CD74: variants seen among roughly 807,000 people sequenced by gnomAD.
CD74 encodes CD74 molecule, also known as HLA class II histocompatibility antigen gamma chain.
In CD74, 20 loss-of-function variants were observed where a neutral mutation model predicts 37.1. The observed-to-expected ratio is 0.54, with a 90% CI of 0.38 to 0.78. The LOEUF is 0.78. Among genes scored for constraint, CD74 ranks in the 30% least tolerant of loss-of-function variants. CD74 has a pLI of 0.00. For missense variants in CD74, 338 were observed against 389.5 expected (o/e 0.87, Z 1.11); for synonymous variants, 150 against 152.0 (o/e 0.99, Z 0.10).
intron 4 of CD74, chr5:150,405,447 G>A (rs772674098): frequency 1.2e-5 from 15 of 1,215,304 alleles, no homozygotes; most frequent in Non-Finnish European, 1.5e-5. Context: ...TGTCCTCCCT[G>A]TGGATGGCTG....
chr5:150,401,949 T>C lies in CD74; in HGVS notation c.*291A>G. 9.7e-7 allele frequency: 1 copy of C among 1,030,188 alleles called. No homozygotes were observed. Among genetic ancestry groups the C allele is most frequent in the Non-Finnish European group, 1.5e-6 (1 of 684,738 alleles). 63.8% of individuals were successfully genotyped at this position (1,030,188 alleles called of 1,614,324 possible). On this transcript the variant is annotated 3_prime_UTR_variant, in exon 9 of 9. Coordinates refer to ENST00000009530, the MANE Select transcript of CD74 (RefSeq NM_001025159.3). ...CATGAGCCTAGGTCTTGGAGCCTTG[T>C]GTTGGAGGCTGCTGTGATGTCAGGA...
rs2151166316 is a variant in CD74 at position 150,402,341 on chromosome 5, A to G, written c.881-91T>C. 3 of 1,028,592 alleles carry G rather than the reference A, an allele frequency of 2.9e-6. No homozygotes were observed. Among genetic ancestry groups the G allele is most frequent in the Non-Finnish European group, 4.5e-6 (3 of 667,984 alleles). The allele number at this position is 1,028,592 out of a possible 1,614,324, so 63.7% of individuals were successfully genotyped here. On this transcript the variant is annotated intron_variant, in intron 8 of 8. Transcript: ENST00000009530. The surrounding 1 kb of genome is among the most constrained non-coding windows in gnomAD (Gnocchi z 4.2). ...TCCTGGACCTGCAGAGCAGTTAAGG[A>G]CTGTCCACCCTCCCCTGCCCCCTGC...
chr5:150,403,035 C>T lies in CD74; in HGVS notation c.817+86G>A, dbSNP rs1367122339. 2 of 1,191,848 alleles carry T rather than the reference C, an allele frequency of 1.7e-6. No individual in the cohort carries two copies. The highest frequency in any genetic ancestry group is 2.4e-6 in the Non-Finnish European group (2 of 838,844). The allele number at this position is 1,191,848 out of a possible 1,614,324, so 73.8% of individuals were successfully genotyped here. ...GAGCTGCCATCCTGGGTGTCCTGGT[C>T]CCATGTGCTTCAGAGGGGACCTCTT... On this transcript the variant is annotated intron_variant, in intron 7 of 8. Transcript: ENST00000009530. The surrounding 1 kb of genome is among the most constrained non-coding windows in gnomAD (Gnocchi z 4.5).
At position 150,407,776 on chromosome 5, in the gene CD74, C is replaced by T. The variant is rs760656627; in HGVS notation, c.126-452G>A. 2.5e-4 allele frequency among the ~76,000 whole-genome samples: 37 copies of T among 149,322 alleles called. No individual in the cohort carries two copies. Among genetic ancestry groups the T allele is most frequent in the Admixed American group, 4.6e-4 (7 of 15,122 alleles). On this transcript the variant is annotated intron_variant, in intron 1 of 8. Coordinates refer to ENST00000009530, the MANE Select transcript of CD74 (RefSeq NM_001025159.3). The surrounding 1 kb of genome is among the most constrained non-coding windows in gnomAD (Gnocchi z 4.4). The stretch of plus-strand genomic sequence containing the variant: ...TTTTGTTTTGTTTTGTTTTTTGAGA[C>T]GGAGTCTTGCTCTGTCGCCCAGGCT...
Position 150,402,024 on chromosome 5 carries a change from T to C in CD74, c.*216A>G, listed in dbSNP as rs1313723169. 19 of 1,535,706 alleles carry C rather than the reference T, an allele frequency of 1.2e-5. No homozygotes were observed. Among genetic ancestry groups the C allele is most frequent in the Non-Finnish European group, 1.7e-5 (19 of 1,145,838 alleles). ...CACTTCCTGGGACCTCACGCCCCTG[T>C]TGACAGATGGAGATTGGGCAGCAGG... is the stretch of plus-strand genomic sequence containing the variant. On this transcript the variant is annotated 3_prime_UTR_variant, in exon 9 of 9. Transcript: ENST00000009530. This position sits in a 1 kb window ranked among gnomAD's most constrained non-coding sequence, Gnocchi z 4.2.
At chr5:150,411,285 G>C (rs1265051774) in intron 1 of CD74, among the ~76,000 whole-genome samples, 1 of 152,200 alleles carries the variant, frequency 6.6e-6, no homozygotes, top group African/African-American at 2.4e-5. Context: ...GACTCAGGGA[G>C]AGGCAGTGAT....
chr5:150,408,666 A>G (rs529450841), intron 1 of CD74, among the ~76,000 whole-genome samples: 5 of 152,250 alleles, frequency 3.3e-5, no homozygotes, highest in African/African-American at 9.6e-5. Context: ...TGGGGGGTGC[A>G]TGCATATGTT....
Position 150,408,560 on chromosome 5 carries a change from C to T in CD74, c.126-1236G>A, listed in dbSNP as rs112554951. Among the ~76,000 whole-genome samples, 116 of 152,272 alleles carry T rather than the reference C, an allele frequency of 7.6e-4. 1 individual carries two copies. Among genetic ancestry groups the T allele is most frequent in the African/African-American group, 2.8e-3 (115 of 41,544 alleles). ...TGGGCAGGAGTATAGGTGCCTGAGCCTGTGTGGCCTGGATGAATTTCTCAT... is the reference window on the plus strand; with the variant it reads ...TGGGCAGGAGTATAGGTGCCTGAGCTTGTGTGGCCTGGATGAATTTCTCAT... On this transcript the variant is annotated intron_variant, in intron 1 of 8. Coordinates refer to ENST00000009530, the MANE Select transcript of CD74 (RefSeq NM_001025159.3).
chr5:150,412,333 T>A (rs2151187070), intron 1 of CD74, among the ~76,000 whole-genome samples: 1 of 152,348 alleles, frequency 6.6e-6, no homozygotes, highest in East Asian at 1.9e-4. Context: ...CTGCATAGCA[T>A]GTGAAACTCT....
rs1769653642 is a variant in CD74, at chr5:150,402,110, G to C, written c.*130C>G. 1.3e-6 allele frequency: 2 copies of C among 1,547,390 alleles called. No homozygotes were observed. The highest frequency in any genetic ancestry group is 2.4e-5 in the South Asian group (2 of 84,004). ...TTTGTCTTGTCCAAGGGTGACGAAA[G>C]AGCCAGGCACCAGGGTCTCATGGGA... On this transcript the variant is annotated 3_prime_UTR_variant, in exon 9 of 9. Transcript: ENST00000009530. The surrounding 1 kb of genome is among the most constrained non-coding windows in gnomAD (Gnocchi z 4.2).
Position 150,403,749 on chromosome 5 carries a change from C to T in CD74, c.626-437G>A, listed in dbSNP as rs1769781944. Among the ~76,000 whole-genome samples, 1 of 152,212 alleles carries T rather than the reference C, an allele frequency of 6.6e-6. No homozygotes were observed. Among genetic ancestry groups the T allele is most frequent in the Admixed American group, 6.5e-5 (1 of 15,278 alleles). On this transcript the variant is annotated intron_variant, in intron 6 of 8. Coordinates refer to ENST00000009530, the MANE Select transcript of CD74 (RefSeq NM_001025159.3). The surrounding 1 kb of genome is among the most constrained non-coding windows in gnomAD (Gnocchi z 4.5). ...TGGCACATGCCTATAATCCCAGCTA[C>T]TCGGGAGGCCGAGGCAGGAGAATTG...
At position 150,402,790 on chromosome 5, in the gene CD74, G is replaced by A. The variant is rs1329131488; in HGVS notation, c.818-165C>T. Among the ~76,000 whole-genome samples, 6 of 152,222 alleles carry A rather than the reference G, an allele frequency of 3.9e-5. No individual in the cohort carries two copies. The highest frequency in any genetic ancestry group is 3.8e-4 in the East Asian group (2 of 5,200). On this transcript the variant is annotated intron_variant, in intron 7 of 8. Transcript: ENST00000009530. This position sits in a 1 kb window ranked among gnomAD's most constrained non-coding sequence, Gnocchi z 4.2. ...CAACAAAGAGGTGTAATGGGGGCTC[G>A]AGTGAGAAGGGGGTGATGAAATGAG...
rs2151166646 is a variant in CD74, at chr5:150,402,421, C to T, written c.880+142G>A. On this transcript the variant is annotated intron_variant, in intron 8 of 8. Transcript: ENST00000009530. The surrounding 1 kb of genome is among the most constrained non-coding windows in gnomAD (Gnocchi z 4.2). The stretch of plus-strand genomic sequence containing the variant: ...GTGTAACTCCCCACAGCCCCCCAAC[C>T]CTGTTCCTTCGTCTGTGAAATGGAC... The T allele has an allele frequency of 1.1e-6, 1 of 920,746 alleles. No individual in the cohort carries two copies. Among genetic ancestry groups the T allele is most frequent in the Non-Finnish European group, 1.8e-6 (1 of 556,698 alleles). The allele number at this position is 920,746 out of a possible 1,614,324, so 57.0% of individuals were successfully genotyped here.
chr5:150,407,071 C>T lies in CD74; in HGVS notation c.298+81G>A. ...AAACCGGAGGGAGAGGACAGTGGGC[C>T]CAGCTGGGTGCAGGGATGCGGGTCT... On this transcript the variant is annotated intron_variant, in intron 2 of 8. Transcript: ENST00000009530. The surrounding 1 kb of genome is among the most constrained non-coding windows in gnomAD (Gnocchi z 4.4). 1 of 1,563,204 alleles carries T rather than the reference C, an allele frequency of 6.4e-7. No homozygotes were observed. Among genetic ancestry groups the T allele is most frequent in the Non-Finnish European group, 8.8e-7 (1 of 1,141,420 alleles).
rs778082432 is a variant in CD74 at position 150,407,978 on chromosome 5, C to T, written c.126-654G>A. Among the ~76,000 whole-genome samples the T allele has an allele frequency of 1.3e-5, 2 of 151,964 alleles. No individual in the cohort carries two copies. The highest frequency in any genetic ancestry group is 2.9e-5 in the Non-Finnish European group (2 of 68,010). ...CACCGTGGTCTCGATCTCCTGATCT[C>T]GTGATCCACCCACCTCAGCCTCCCA... is the stretch of plus-strand genomic sequence containing the variant. On this transcript the variant is annotated intron_variant, in intron 1 of 8. Coordinates refer to ENST00000009530, the MANE Select transcript of CD74 (RefSeq NM_001025159.3). This position sits in a 1 kb window ranked among gnomAD's most constrained non-coding sequence, Gnocchi z 4.4.
rs1220969593 is a variant in CD74, at chr5:150,407,367, G to T, written c.126-43C>A. ...GATAGGTCAGAGGAGGATCCACAGTGGTGGCTGCCCCAAGGGCTGGCTAGG... is the reference window on the plus strand; with the variant it reads ...GATAGGTCAGAGGAGGATCCACAGTTGTGGCTGCCCCAAGGGCTGGCTAGG... On this transcript the variant is annotated intron_variant, in intron 1 of 8. Coordinates refer to ENST00000009530, the MANE Select transcript of CD74 (RefSeq NM_001025159.3). The surrounding 1 kb of genome is among the most constrained non-coding windows in gnomAD (Gnocchi z 4.4). 1.9e-6 allele frequency: 3 copies of T among 1,539,772 alleles called. No individual in the cohort carries two copies. The highest frequency in any genetic ancestry group is 1.9e-5 in the Admixed American group (1 of 52,684).
intron 1 of CD74, among the ~76,000 whole-genome samples, chr5:150,410,869 AG>A (rs985749891): frequency 1.3e-5 from 2 of 152,316 alleles, no homozygotes; most frequent in Non-Finnish European, 2.9e-5. Flanking sequence ...GGATTAGACA[AG>A]GGGACATGCA....
At chr5:150,411,340 A>C (rs539009071) in intron 1 of CD74, among the ~76,000 whole-genome samples, 2 of 152,188 alleles carry the variant, frequency 1.3e-5, no homozygotes, top group African/African-American at 4.8e-5. Context: ...CATTCCTCAC[A>C]AAACAGTCTC....
intron 1 of CD74, among the ~76,000 whole-genome samples, chr5:150,411,973 T>G: frequency 6.6e-6 from 1 of 152,308 alleles, no homozygotes; most frequent in African/African-American, 2.4e-5. Context: ...TTTATTTATT[T>G]ATTTTTTTTG....
Sources: allele counts gnomAD v4.1 joint callset (sites outside exome capture counted in the v4.1 genomes callset), GRCh38; gene constraint gnomAD v4.1.1; non-coding constraint Gnocchi (gnomAD v3.1); transcripts MANE v1.5; gene names NCBI Gene and HGNC (gene_info 2026-07-23, HGNC 2026-07-21).